MED27: variants seen among roughly 807,000 people sequenced by gnomAD.
MED27 encodes mediator complex subunit 27.
Under a neutral mutation model 38.2 loss-of-function variants are expected in MED27, and 30 were observed. The ratio of observed to expected loss-of-function variants is 0.79; its 90% confidence interval spans 0.59 to 1.07. The LOEUF (loss-of-function observed/expected upper bound fraction) is 1.07. Among genes scored for constraint, MED27 ranks in the 50% least tolerant of loss-of-function variants. MED27 has a pLI of 0.00. For missense variants in MED27, 289 were observed against 397.5 expected (o/e 0.73, Z 2.32); for synonymous variants, 122 against 153.5 (o/e 0.79, Z 1.52).
intron 6 of MED27, 65 bp from the exon 7 acceptor site, chr9:131,863,205 A>G (rs1838680417): frequency 3.9e-6 from 5 of 1,294,950 alleles, no homozygotes; most frequent in Non-Finnish European, 5.6e-6. Context: ...AACAAGCAGG[A>G]CAAATGCACG....
At chr9:131,959,985 T>C (rs1348409339) in intron 3 of MED27, among the ~76,000 whole-genome samples, 1 of 152,100 alleles carries the variant, frequency 6.6e-6, no homozygotes, top group African/African-American at 2.4e-5. Flanking sequence ...AGGAAACAAA[T>C]TTTGTAATCA....
In MED27 at chr9:132,022,007, G is replaced by A. The variant is rs151270601; in HGVS notation, c.349-7540C>T. Among the ~76,000 whole-genome samples the A allele has an allele frequency of 2.0e-5, 3 of 152,332 alleles. No individual in the cohort carries two copies. The East Asian group carries it at 5.8e-4, about 29-fold the overall frequency. ...CCCCAGTCTATGGCATTTTATTACA[G>A]TGGCCTAAACTAAGACACATGGCCA... On this transcript the variant is annotated intron_variant, in intron 2 of 7. Coordinates refer to ENST00000292035, the MANE Select transcript of MED27 (RefSeq NM_004269.4).
Position 131,889,360 on chromosome 9 carries a change from C to G in MED27, c.681+4525G>C, listed in dbSNP as rs777281235. 6.6e-6 allele frequency among the ~76,000 whole-genome samples: 1 copy of G among 152,142 alleles called. No homozygotes were observed. Among genetic ancestry groups the G allele is most frequent in the Non-Finnish European group, 1.5e-5 (1 of 68,036 alleles). ...GCTATAGCATTAACATAACCTAAAT[C>G]CCCCAAAAAGTTAAATTCGAACGAG... On this transcript the variant is annotated intron_variant, in intron 5 of 7. Coordinates refer to ENST00000292035, the MANE Select transcript of MED27 (RefSeq NM_004269.4). The surrounding 1 kb of genome is among the most constrained non-coding windows in gnomAD (Gnocchi z 4.2).
rs1464178955 is a variant in MED27 at position 131,872,880 on chromosome 9, C to G, written c.724-9740G>C. 6.6e-6 allele frequency among the ~76,000 whole-genome samples: 1 copy of G among 152,224 alleles called. No homozygotes were observed. The highest frequency in any genetic ancestry group is 6.5e-5 in the Admixed American group (1 of 15,280). On this transcript the variant is annotated intron_variant, in intron 6 of 7. Transcript: ENST00000292035. This position sits in a 1 kb window ranked among gnomAD's most constrained non-coding sequence, Gnocchi z 5.6. ...CAGTTCAAAGAGCTTGAGGATTCAG[C>G]TTGGAACCAGGGAGGCCACCTGCAC...
rs1008164095 is a variant in MED27 at position 132,017,525 on chromosome 9, C to T, written c.349-3058G>A. ...TTTCTATCAAAGATCCTCCACTAAC[C>T]GGGAGGAATAAAAATGAAAGAAGGA... On this transcript the variant is annotated intron_variant, in intron 2 of 7. Coordinates refer to ENST00000292035, the MANE Select transcript of MED27 (RefSeq NM_004269.4). Among the ~76,000 whole-genome samples, 10 of 152,160 alleles carry T rather than the reference C, an allele frequency of 6.6e-5. No homozygotes were observed. In the East Asian group the frequency reaches 9.6e-4, roughly 15 times the overall value.
intron 4 of MED27, among the ~76,000 whole-genome samples, chr9:131,929,465 C>T (rs73553051): frequency 0.013 from 2,002 of 152,240 alleles, 47 homozygotes; most frequent in African/African-American, 0.046. Context: ...TATTTCTGGA[C>T]CTGCTCTGGC....
intron 1 of MED27, 132 bp from the exon 2 acceptor site, chr9:132,077,718 G>A (rs1328821553): frequency 2.3e-6 from 2 of 880,624 alleles, no homozygotes; most frequent in Non-Finnish European, 3.2e-6. Context: ...CTTTTTGAAA[G>A]GTTAAAAAAT....
At chr9:131,906,198 A>G (rs1830058181) in intron 4 of MED27, among the ~76,000 whole-genome samples, 1 of 152,358 alleles carries the variant, frequency 6.6e-6, no homozygotes, top group East Asian at 1.9e-4. Context: ...CTGGAGACTG[A>G]GCAGGGAATA....
intron 4 of MED27, among the ~76,000 whole-genome samples, chr9:131,927,693 T>C (rs1830507668): frequency 6.6e-6 from 1 of 152,156 alleles, no homozygotes. Context: ...GCCCTGGTGC[T>C]TCCAGGCCAA....
chr9:132,014,576 T>G, intron 2 of MED27, 109 bp from the exon 3 acceptor site: 1 of 1,104,084 alleles, frequency 9.1e-7, no homozygotes, highest in Non-Finnish European at 1.3e-6. Context: ...TAGAACATTT[T>G]AAGTAACTTC....
Position 131,956,855 on chromosome 9 carries a change from G to A in MED27, c.480-17381C>T, listed in dbSNP as rs147095271. ...AAAAAAAAACACATACACACTTTCA[G>A]CAGAGTAGGACTAGAAGAGGGCAAA... On this transcript the variant is annotated intron_variant, in intron 3 of 7. Coordinates refer to ENST00000292035, the MANE Select transcript of MED27 (RefSeq NM_004269.4). Among the ~76,000 whole-genome samples, 7 of 151,184 alleles carry A rather than the reference G, an allele frequency of 4.6e-5. No individual in the cohort carries two copies. In the East Asian group the frequency reaches 1.4e-3, roughly 29 times the overall value.
intron 3 of MED27, among the ~76,000 whole-genome samples, chr9:131,971,457 A>G (rs1002284538): frequency 3.3e-5 from 5 of 152,218 alleles, no homozygotes; most frequent in Admixed American, 2.6e-4. Context: ...GGAGTTTGGA[A>G]TTTATCGCGA....
intron 6 of MED27, among the ~76,000 whole-genome samples, chr9:131,875,953 C>T (rs1838923877): frequency 6.6e-6 from 1 of 152,196 alleles, no homozygotes; most frequent in Admixed American, 6.5e-5. Context: ...AGTGAATCCA[C>T]ACAGGAAACA....
rs141653793 is a variant in MED27, at chr9:132,019,381, C to G, written c.349-4914G>C. On this transcript the variant is annotated intron_variant, in intron 2 of 7. Transcript: ENST00000292035. ...CCTCCATCTGACAGTCCTCTTATGG[C>G]TGGCCTCTTACGAAAGCAAACACAC... is the stretch of plus-strand genomic sequence containing the variant. Among the ~76,000 whole-genome samples, 372 of 152,320 alleles carry G rather than the reference C, an allele frequency of 2.4e-3. 1 individual carries two copies. Among genetic ancestry groups the G allele is most frequent in the African/African-American group, 8.5e-3 (352 of 41,572 alleles).
intron 4 of MED27, among the ~76,000 whole-genome samples, chr9:131,938,120 T>C (rs984331002): frequency 2.0e-5 from 3 of 152,200 alleles, no homozygotes; most frequent in Non-Finnish European, 4.4e-5. Context: ...GCCCAGATCT[T>C]TTCCTGTCTT....
At position 131,917,378 on chromosome 9, in the gene MED27, G is replaced by T. The variant is rs116296629; in HGVS notation, c.573+22003C>A. ...CATGTACACCACCTATCCTAGAAAGGGGGGGCTTTATCCTGCAAGCAACAG... is the reference window on the plus strand; with the variant it reads ...CATGTACACCACCTATCCTAGAAAGTGGGGGCTTTATCCTGCAAGCAACAG... On this transcript the variant is annotated intron_variant, in intron 4 of 7. Coordinates refer to ENST00000292035, the MANE Select transcript of MED27 (RefSeq NM_004269.4). This position sits in a 1 kb window ranked among gnomAD's most constrained non-coding sequence, Gnocchi z 4.6. Among the ~76,000 whole-genome samples, 1,299 of 152,248 alleles carry T rather than the reference G, an allele frequency of 8.5e-3. 16 individuals are homozygous for T. The highest frequency in any genetic ancestry group is 0.029 in the African/African-American group (1,193 of 41,512).
intron 3 of MED27, among the ~76,000 whole-genome samples, chr9:131,991,368 T>C (rs1831968948): frequency 6.6e-6 from 1 of 152,236 alleles, no homozygotes; most frequent in Admixed American, 6.5e-5. Context: ...TTAGTTGCTG[T>C]AGAAATTCAA....
At chr9:131,929,714 A>T (rs986981590) in intron 4 of MED27, among the ~76,000 whole-genome samples, 1 of 152,162 alleles carries the variant, frequency 6.6e-6, no homozygotes, top group Non-Finnish European at 1.5e-5. Flanking sequence ...GAAGGAGCTC[A>T]GCTGCAGTAG....
At chr9:131,878,361 G>A (rs1279256595) in intron 6 of MED27, among the ~76,000 whole-genome samples, 1 of 151,692 alleles carries the variant, frequency 6.6e-6, no homozygotes, top group Non-Finnish European at 1.5e-5. Flanking sequence ...AGAAGCAAGC[G>A]GCACCCTGCC....
Sources: allele counts gnomAD v4.1 joint callset (sites outside exome capture counted in the v4.1 genomes callset), GRCh38; gene constraint gnomAD v4.1.1; non-coding constraint Gnocchi (gnomAD v3.1); transcripts MANE v1.5; gene names NCBI Gene and HGNC (gene_info 2026-07-23, HGNC 2026-07-21).